Variants in LRP1B observed in about 807,000 individuals in gnomAD.
The protein encoded by LRP1B is low-density lipoprotein receptor-related protein 1B.
A neutral mutation model predicts 556.6 loss-of-function variants in LRP1B; 217 were observed. The observed-to-expected ratio is 0.39, with a 90% CI of 0.35 to 0.44. The LOEUF (loss-of-function observed/expected upper bound fraction) is 0.44. LRP1B is among the 20% of genes least tolerant of loss of function. LRP1B has a pLI of 1.00. For missense variants in LRP1B, 5,053 were observed against 5,620.8 expected (o/e 0.90, Z 3.23); for synonymous variants, 2,047 against 1,865.8 (o/e 1.10, Z -2.50).
intron 2 of LRP1B, among the ~76,000 whole-genome samples, chr2:141,804,105 T>G (rs1558886508): frequency 6.6e-6 from 1 of 152,090 alleles, no homozygotes; most frequent in South Asian, 2.1e-4. Context: ...GAAACAATCC[T>G]TTTGGGATGG....
chr2:142,130,942 G>C lies in LRP1B; in HGVS notation c.-213C>G. ...AAGGTGGAGGGATGCGCGCGTGCGG[G>C]AGAGAGGAGGCAGAGCGTGTGTGAG... On this transcript the variant is annotated 5_prime_UTR_variant, in exon 1 of 91. Transcript: ENST00000389484. 3.3e-6 allele frequency: 2 copies of C among 603,834 alleles called. No homozygotes were observed. Among genetic ancestry groups the C allele is most frequent in the South Asian group, 3.7e-5 (2 of 53,630 alleles). The allele number at this position is 603,834 out of a possible 1,614,324, so 37.4% of individuals were successfully genotyped here.
intron 2 of LRP1B, among the ~76,000 whole-genome samples, chr2:141,517,643 T>C (rs1278965268): frequency 3.3e-5 from 5 of 152,194 alleles, no homozygotes; most frequent in African/African-American, 4.8e-5. Flanking sequence ...AATAACATTG[T>C]AACTGGTGTA....
At chr2:141,339,672 A>G (rs1687983024) in intron 3 of LRP1B, among the ~76,000 whole-genome samples, 1 of 152,214 alleles carries the variant, frequency 6.6e-6, no homozygotes, top group Non-Finnish European at 1.5e-5. Context: ...CTCAGTTTGA[A>G]TGTGGCGTGG....
chr2:142,129,915 T>C (rs1034626646), intron 1 of LRP1B, among the ~76,000 whole-genome samples: 3 of 152,172 alleles, frequency 2.0e-5, no homozygotes, highest in African/African-American at 7.2e-5. Flanking sequence ...CCCATATCCA[T>C]TCCCTTCTAA....
intron 17 of LRP1B, among the ~76,000 whole-genome samples, chr2:140,989,210 C>G (rs1190479168): frequency 1.3e-5 from 2 of 151,944 alleles, no homozygotes; most frequent in African/African-American, 4.8e-5. Context: ...TGGCCTATAT[C>G]ACAGCATGCT....
At chr2:140,300,116 CAG>C (rs1683757284) in intron 83 of LRP1B, among the ~76,000 whole-genome samples, 1 of 152,116 alleles carries the variant, frequency 6.6e-6, no homozygotes, top group Admixed American at 6.6e-5. Context: ...GAAACTACAG[CAG>C]AGTGACTAGG....
chr2:141,246,873 G>A (rs1281608222), intron 5 of LRP1B, among the ~76,000 whole-genome samples: 2 of 152,118 alleles, frequency 1.3e-5, no homozygotes, highest in African/African-American at 4.8e-5. Context: ...GCTGAGGCAG[G>A]AGAATTGCCT....
intron 2 of LRP1B, among the ~76,000 whole-genome samples, chr2:141,509,123 T>C (rs1684032726): frequency 6.6e-6 from 1 of 151,956 alleles, no homozygotes; most frequent in Non-Finnish European, 1.5e-5. Context: ...TCAAAAATCA[T>C]AACAGAGAAA....
At chr2:141,951,416 G>A (rs1050560545) in intron 1 of LRP1B, among the ~76,000 whole-genome samples, 1 of 152,070 alleles carries the variant, frequency 6.6e-6, no homozygotes, top group African/African-American at 2.4e-5. Flanking sequence ...CAGCTCCAAC[G>A]TATAGGTGAG....
intron 1 of LRP1B, among the ~76,000 whole-genome samples, chr2:142,009,168 G>A (rs1702881949): frequency 6.6e-6 from 1 of 152,148 alleles, no homozygotes; most frequent in Non-Finnish European, 1.5e-5. Context: ...CATCTCTCAA[G>A]TCATGACACA....
chr2:141,151,913 AG>A lies in LRP1B; in HGVS notation c.1013+36507del, dbSNP rs1574129663. Among the ~76,000 whole-genome samples, 4 of 152,130 alleles carry A rather than the reference AG, an allele frequency of 2.6e-5. No individual in the cohort carries two copies. In the East Asian group the frequency reaches 7.7e-4, roughly 29 times the overall value. ...TTTGTGGAAGTTTATAACTATGGCAAGATGTCACTTTAATACTGACACAAAT... is the reference window on the plus strand; with the variant it reads ...TTTGTGGAAGTTTATAACTATGGCAAATGTCACTTTAATACTGACACAAAT... On this transcript the variant is annotated intron_variant, in intron 7 of 90. Transcript: ENST00000389484.
intron 43 of LRP1B, among the ~76,000 whole-genome samples, chr2:140,578,910 G>A (rs1681645067): frequency 6.6e-6 from 1 of 151,844 alleles, no homozygotes; most frequent in African/African-American, 2.4e-5. Flanking sequence ...TTGTCATTTT[G>A]TTTACTCATA....
intron 1 of LRP1B, among the ~76,000 whole-genome samples, chr2:141,915,818 C>T (rs1296321130): frequency 2.0e-5 from 3 of 152,108 alleles, no homozygotes; most frequent in Non-Finnish European, 4.4e-5. Flanking sequence ...GGCCAACAAA[C>T]ATATAAAAAA....
chr2:141,466,898 C>G (rs1038079895), intron 3 of LRP1B, among the ~76,000 whole-genome samples: 2 of 149,356 alleles, frequency 1.3e-5, no homozygotes, highest in African/African-American at 5.0e-5. Context: ...TTATTCCCAG[C>G]CAAACACAAT....
intron 18 of LRP1B, among the ~76,000 whole-genome samples, chr2:140,957,377 A>T (rs1695905018): frequency 6.6e-6 from 1 of 151,668 alleles, no homozygotes; most frequent in African/African-American, 2.4e-5. Context: ...GCAATAAGGT[A>T]TAAGATAGAA....
intron 14 of LRP1B, among the ~76,000 whole-genome samples, chr2:141,009,123 T>C (rs760430480): frequency 1.3e-5 from 2 of 151,894 alleles, no homozygotes; most frequent in Non-Finnish European, 2.9e-5. Context: ...CTTCTCAGTG[T>C]CTTATCACAG....
intron 10 of LRP1B, among the ~76,000 whole-genome samples, chr2:141,049,705 T>A (rs1698980038): frequency 6.6e-6 from 1 of 152,110 alleles, no homozygotes; most frequent in Non-Finnish European, 1.5e-5. Flanking sequence ...TCATATAGTA[T>A]CACTAACTTG....
Position 141,474,220 on chromosome 2 carries a change from T to TAA in LRP1B, c.343+6174_343+6175dup, listed in dbSNP as rs931133954. ...AGATAAATTTTTCCTTTCTGGAAAA[T>TAA]AAAAAAAAAATGGAGTTCTGTAAAA... On this transcript the variant is annotated intron_variant, in intron 3 of 90. Transcript: ENST00000389484. Among the ~76,000 whole-genome samples the TAA allele has an allele frequency of 2.7e-5, 4 of 150,208 alleles. No homozygotes were observed. In the East Asian group the frequency reaches 7.8e-4, roughly 29 times the overall value.
intron 1 of LRP1B, among the ~76,000 whole-genome samples, chr2:141,876,195 T>C (rs1455104468): frequency 6.6e-6 from 1 of 152,022 alleles, no homozygotes; most frequent in African/African-American, 2.4e-5. Context: ...TGCAATATTT[T>C]GCTTAGCTAG....
Sources: allele counts gnomAD v4.1 joint callset (sites outside exome capture counted in the v4.1 genomes callset), GRCh38; gene constraint gnomAD v4.1.1; transcripts MANE v1.5; gene names NCBI Gene and HGNC (gene_info 2026-07-23, HGNC 2026-07-21).